TMEM87A: variants seen among roughly 807,000 people sequenced by gnomAD.
The protein encoded by TMEM87A is transmembrane protein 87A.
In TMEM87A, 50 loss-of-function variants were observed where a neutral mutation model predicts 90.0. That is an observed-to-expected ratio of 0.56 (90% CI 0.44 to 0.70). TMEM87A has a LOEUF of 0.70. TMEM87A is among the 30% of genes least tolerant of loss of function. TMEM87A has a pLI of 0.00. For synonymous variants in TMEM87A, 226 were observed against 226.7 expected, an observed-to-expected ratio of 1.00 and a Z score of 0.03; for missense variants, 577 against 660.5, an observed-to-expected ratio of 0.87 and a Z score of 1.39.
At chr15:42,258,714 A>T in intron 6 of TMEM87A, 1 of 1,327,488 alleles carries the variant, frequency 7.5e-7, no homozygotes, top group Non-Finnish European at 9.6e-7. Context: ...GGCGTGAGCC[A>T]CTGTACCCAG....
At chr15:42,223,480 T>C (rs1401758832) in intron 15 of TMEM87A, among the ~76,000 whole-genome samples, 1 of 152,164 alleles carries the variant, frequency 6.6e-6, no homozygotes, top group Non-Finnish European at 1.5e-5. Context: ...TGAAACCTAA[T>C]TCCCAGGGTG....
intron 15 of TMEM87A, among the ~76,000 whole-genome samples, chr15:42,225,865 T>C (rs2050582639): frequency 6.6e-6 from 1 of 151,990 alleles, no homozygotes; most frequent in African/African-American, 2.4e-5. Flanking sequence ...TCTATCTCCC[T>C]TGTTTACTAT....
intron 2 of TMEM87A, 151 bp from the exon 3 acceptor site, chr15:42,268,183 A>C (rs1335976555): frequency 1.9e-6 from 1 of 537,156 alleles, no homozygotes; most frequent in Non-Finnish European, 3.2e-6. Flanking sequence ...GAAATAATAC[A>C]TGCAAAAAGA....
intron 10 of TMEM87A, among the ~76,000 whole-genome samples, 173 bp from the exon 11 acceptor site, chr15:42,233,479 G>C (rs1262712583): frequency 1.3e-5 from 2 of 152,070 alleles, no homozygotes; most frequent in Non-Finnish European, 2.9e-5. Flanking sequence ...AAACAAGATA[G>C]GGAACACTAC....
Position 42,237,519 on chromosome 15 carries a change from A to G in TMEM87A, c.781T>C (p.Trp261Arg), listed in dbSNP as rs2050792658. 1 of 1,614,024 alleles carries G rather than the reference A, an allele frequency of 6.2e-7. No homozygotes were observed. Among genetic ancestry groups the G allele is most frequent in the African/African-American group, 1.3e-5 (1 of 74,920 alleles). ...CCCAGGAAGATGACAGCACCAATCC[A>G]AAACTGAATTCTCAGGAGATCTCTC... The part of the protein sequence containing the change: ...YWRDLLRIQF[W>R]IGAVIFLGML... Residue 261 changes from tryptophan to arginine, a missense_variant, in exon 9 of 20, where the codon TGG (tryptophan) becomes CGG (arginine). Coordinates refer to ENST00000389834, the MANE Select transcript of TMEM87A (RefSeq NM_015497.5).
At chr15:42,246,732 C>T (rs957954458) in intron 6 of TMEM87A, among the ~76,000 whole-genome samples, 5 of 152,082 alleles carry the variant, frequency 3.3e-5, no homozygotes, top group Non-Finnish European at 5.9e-5. Flanking sequence ...TTTGCTATTG[C>T]GAACAGTGCT....
chr15:42,213,092 C>G (rs931147009), intron 19 of TMEM87A, among the ~76,000 whole-genome samples: 3 of 152,182 alleles, frequency 2.0e-5, no homozygotes, highest in Non-Finnish European at 4.4e-5. Flanking sequence ...GAGGCACCCT[C>G]TTGCCATAAT....
chr15:42,245,424 G>T lies in TMEM87A; in HGVS notation c.505-1257C>A, dbSNP rs200370648. Among the ~76,000 whole-genome samples, 8 of 151,240 alleles carry T rather than the reference G, an allele frequency of 5.3e-5. No homozygotes were observed. In the East Asian group the frequency reaches 1.5e-3, roughly 29 times the overall value. ...TCAATTCTCATATTCCAGGATTTGA[G>T]AAAGTTTATACTTAACTCTGGAATG... On this transcript the variant is annotated intron_variant, in intron 6 of 19. Coordinates refer to ENST00000389834, the MANE Select transcript of TMEM87A (RefSeq NM_015497.5).
chr15:42,271,767 A>C (rs2051530189), intron 2 of TMEM87A, among the ~76,000 whole-genome samples: 1 of 151,668 alleles, frequency 6.6e-6, no homozygotes, highest in Non-Finnish European at 1.5e-5. Flanking sequence ...ATGTGACTGA[A>C]TATTCAATGT....
intron 6 of TMEM87A, among the ~76,000 whole-genome samples, chr15:42,249,690 C>T (rs2051047966): frequency 6.6e-6 from 1 of 152,138 alleles, no homozygotes; most frequent in Admixed American, 6.5e-5. Flanking sequence ...ACTTTACTTC[C>T]AACTATGTGG....
intron 1 of TMEM87A, chr15:42,272,924 T>C (rs2051571822): frequency 2.0e-6 from 1 of 510,506 alleles, no homozygotes; most frequent in Admixed American, 2.3e-5. Context: ...CACTGGATTC[T>C]GTGAAACATC....
intron 6 of TMEM87A, among the ~76,000 whole-genome samples, chr15:42,260,388 C>T (rs2051265402): frequency 6.6e-6 from 1 of 152,108 alleles, no homozygotes; most frequent in South Asian, 2.1e-4. Flanking sequence ...CGAAACAAAA[C>T]ATAACTTCTG....
chr15:42,272,670 C>A, intron 1 of TMEM87A: 2 of 318,276 alleles, frequency 6.3e-6, no homozygotes, highest in Non-Finnish European at 6.1e-6. Context: ...GAAAGACTAG[C>A]CTTACCACAT....
intron 8 of TMEM87A, 39 bp from the exon 9 acceptor site, chr15:42,237,654 G>C (rs2050797157): frequency 1.3e-6 from 2 of 1,501,350 alleles, no homozygotes; most frequent in Admixed American, 2.1e-5. Context: ...AGGAGAATTA[G>C]GGCCAAGAGC....
chr15:42,263,087 T>C (rs945873874), intron 4 of TMEM87A, among the ~76,000 whole-genome samples: 1 of 152,228 alleles, frequency 6.6e-6, no homozygotes, highest in Non-Finnish European at 1.5e-5. Context: ...TTAAAAACCC[T>C]GATTTTTCTG....
chr15:42,235,307 A>C (rs2050751242), intron 10 of TMEM87A, among the ~76,000 whole-genome samples: 1 of 152,168 alleles, frequency 6.6e-6, no homozygotes, highest in African/African-American at 2.4e-5. Flanking sequence ...CCAAAGTGTG[A>C]GGATTATGGC....
At chr15:42,235,249 G>A (rs1242959422) in intron 10 of TMEM87A, among the ~76,000 whole-genome samples, 1 of 152,156 alleles carries the variant, frequency 6.6e-6, no homozygotes, top group Non-Finnish European at 1.5e-5. Context: ...GTGTTGTCCA[G>A]GCTGGTCTTG....
At chr15:42,241,564 C>A (rs574073235) in intron 7 of TMEM87A, among the ~76,000 whole-genome samples, 1 of 152,032 alleles carries the variant, frequency 6.6e-6, no homozygotes, top group Non-Finnish European at 1.5e-5. Flanking sequence ...AACCTTGCTG[C>A]AAAATGTAGT....
chr15:42,262,849 C>T (rs2051322943), intron 4 of TMEM87A, among the ~76,000 whole-genome samples: 1 of 152,186 alleles, frequency 6.6e-6, no homozygotes, highest in Non-Finnish European at 1.5e-5. Flanking sequence ...ATGATAATTA[C>T]TATAACTATT....
Sources: gnomAD v4.1 joint callset for allele counts (sites outside exome capture counted in the v4.1 genomes callset) on GRCh38, gnomAD v4.1.1 for gene constraint, MANE v1.5 for transcripts, NCBI Gene and HGNC (gene_info 2026-07-23, HGNC 2026-07-21) for gene names.